Variants in DLGAP1 observed in about 807,000 individuals in gnomAD.
The protein encoded by DLGAP1 is DLG associated protein 1.
Under a neutral mutation model 90.8 loss-of-function variants are expected in DLGAP1, and 11 were observed. The ratio of observed to expected loss-of-function variants is 0.12; its 90% CI spans 0.08 to 0.20. The LOEUF (loss-of-function observed/expected upper bound fraction) is 0.20, where lower values mean the gene tolerates loss of function less well. Among genes scored for constraint, DLGAP1 ranks in the 10% least tolerant of loss-of-function variants. DLGAP1 has a pLI of 1.00. For synonymous variants in DLGAP1, 558 were observed against 540.7 expected, an observed-to-expected ratio of 1.03 and a Z score of -0.44; for missense variants, 1,050 against 1,333.8, an observed-to-expected ratio of 0.79 and a Z score of 3.31.
intron 1 of DLGAP1, among the ~76,000 whole-genome samples, chr18:4,290,481 C>T (rs370564556): frequency 5.9e-5 from 9 of 152,244 alleles, no homozygotes; most frequent in African/African-American, 1.9e-4. Context: ...TGAAAGGTAA[C>T]GTGGACTCCA....
rs111379911 is a variant in DLGAP1 at position 4,273,295 on chromosome 18, G to A, written c.-266-122008C>T. 5.9e-5 allele frequency among the ~76,000 whole-genome samples: 9 copies of A among 152,240 alleles called. 1 individual carries two copies. The highest frequency in any genetic ancestry group is 2.0e-4 in the Admixed American group (3 of 15,280). Reference sequence around the variant, plus strand: ...ACCCTCCATGCACCCTGCCTCTCCCGCTCTTGCTTCCCCAGCATACATGGG... The same window carrying A: ...ACCCTCCATGCACCCTGCCTCTCCCACTCTTGCTTCCCCAGCATACATGGG... On this transcript the variant is annotated intron_variant, in intron 1 of 12. Transcript: ENST00000315677.
At chr18:4,229,255 C>A (rs928926530) in intron 1 of DLGAP1, among the ~76,000 whole-genome samples, 1 of 151,880 alleles carries the variant, frequency 6.6e-6, no homozygotes, top group Non-Finnish European at 1.5e-5. Context: ...ATACTACTTA[C>A]AACAATCTAC....
chr18:4,206,941 T>C (rs2077732158), intron 1 of DLGAP1, among the ~76,000 whole-genome samples: 1 of 152,138 alleles, frequency 6.6e-6, no homozygotes, highest in Non-Finnish European at 1.5e-5. Flanking sequence ...TAAATATTAA[T>C]GTAAAAGAGA....
chr18:3,594,495 C>T (rs1452787512), intron 7 of DLGAP1: 1 of 152,112 alleles, frequency 6.6e-6, no homozygotes, highest in Non-Finnish European at 1.5e-5. Context: ...GTAAGTCGCT[C>T]TTTGGAAGGG....
intron 7 of DLGAP1, among the ~76,000 whole-genome samples, chr18:3,713,991 A>T (rs2061677364): frequency 6.6e-6 from 1 of 152,194 alleles, no homozygotes; most frequent in Admixed American, 6.5e-5. Context: ...TCGTCCGAGG[A>T]TGTGCCCTGG....
At chr18:4,073,829 TAA>T (rs2143506520) in intron 2 of DLGAP1, among the ~76,000 whole-genome samples, 1 of 152,318 alleles carries the variant, frequency 6.6e-6, no homozygotes, top group South Asian at 2.1e-4. Context: ...TTATTCATAG[TAA>T]AGCTTTGTTT....
chr18:3,803,846 C>T (rs2066427978), intron 5 of DLGAP1, among the ~76,000 whole-genome samples: 1 of 151,542 alleles, frequency 6.6e-6, no homozygotes, highest in Admixed American at 6.6e-5. Context: ...GTACTAAAAA[C>T]ATTTGATGAC....
At chr18:3,602,639 CAAAT>C (rs1480507630) in intron 7 of DLGAP1, among the ~76,000 whole-genome samples, 3 of 141,870 alleles carry the variant, frequency 2.1e-5, no homozygotes, top group African/African-American at 2.6e-5. Flanking sequence ...TGTTGGTAGA[CAAAT>C]AAATTCATGA....
At chr18:3,954,417 G>A (rs2073046125) in intron 3 of DLGAP1, among the ~76,000 whole-genome samples, 1 of 152,178 alleles carries the variant, frequency 6.6e-6, no homozygotes, top group African/African-American at 2.4e-5. Context: ...CACATTTGAA[G>A]ACGAGTAATA....
Position 4,256,695 on chromosome 18 carries a change from A to G in DLGAP1, c.-266-105408T>C, listed in dbSNP as rs139897749. Among the ~76,000 whole-genome samples, 38 of 152,250 alleles carry G rather than the reference A, an allele frequency of 2.5e-4. 1 individual carries two copies. The highest frequency in any genetic ancestry group is 8.7e-4 in the African/African-American group (36 of 41,552). On this transcript the variant is annotated intron_variant, in intron 1 of 12. Coordinates refer to ENST00000315677, the MANE Select transcript of DLGAP1 (RefSeq NM_004746.4). Reference sequence around the variant, plus strand: ...TTGATAAAATATTTCAGATTATACTAATATGCTAGCTTTTACTCTCTCCTG... The same window carrying G: ...TTGATAAAATATTTCAGATTATACTGATATGCTAGCTTTTACTCTCTCCTG...
chr18:3,580,501 G>A (rs886255097), intron 8 of DLGAP1: 19 of 1,601,676 alleles, frequency 1.2e-5, no homozygotes, highest in Non-Finnish European at 1.5e-5. Context: ...GAGACCAGGA[G>A]GAGGAGGAGG....
At chr18:4,262,582 T>A (rs1242113919) in intron 1 of DLGAP1, among the ~76,000 whole-genome samples, 1 of 152,214 alleles carries the variant, frequency 6.6e-6, no homozygotes, top group Non-Finnish European at 1.5e-5. Context: ...ATTGTTCAAA[T>A]GACTCCTGAT....
chr18:4,246,750 A>C (rs896105098), intron 1 of DLGAP1, among the ~76,000 whole-genome samples: 5 of 152,224 alleles, frequency 3.3e-5, no homozygotes, highest in African/African-American at 1.2e-4. Flanking sequence ...AATGGCAAAA[A>C]ACGTTGAAGA....
intron 1 of DLGAP1, among the ~76,000 whole-genome samples, chr18:4,402,644 G>A (rs1308618872): frequency 2.0e-5 from 3 of 152,096 alleles, no homozygotes; most frequent in Non-Finnish European, 4.4e-5. Flanking sequence ...TACCATTGTA[G>A]AGTATTGCTT....
At chr18:3,546,085 G>A (rs1433253330) in intron 9 of DLGAP1, among the ~76,000 whole-genome samples, 3 of 152,154 alleles carry the variant, frequency 2.0e-5, no homozygotes, top group African/African-American at 7.2e-5. Flanking sequence ...GAATATAGAA[G>A]AATTCAGCAG....
intron 1 of DLGAP1, among the ~76,000 whole-genome samples, chr18:4,328,971 C>T (rs1351711802): frequency 6.6e-6 from 1 of 151,932 alleles, no homozygotes; most frequent in African/African-American, 2.4e-5. Flanking sequence ...TAAATATATT[C>T]TCCCAGTCTG....
At chr18:4,225,067 G>T (rs1175392239) in intron 1 of DLGAP1, among the ~76,000 whole-genome samples, 1 of 152,010 alleles carries the variant, frequency 6.6e-6, no homozygotes, top group African/African-American at 2.4e-5. Flanking sequence ...AATAAAACAA[G>T]AGGCTCTGCC....
rs948584877 is a variant in DLGAP1, at chr18:4,423,009, C to T, written c.-267+31997G>A. Among the ~76,000 whole-genome samples, 5 of 152,112 alleles carry T rather than the reference C, an allele frequency of 3.3e-5. No individual in the cohort carries two copies. In the East Asian group the frequency reaches 9.6e-4, roughly 29 times the overall value. ...GCATAATGATTAGTGCTGCTGTCCA[C>T]AAAATACGTCTTCCAAGATATTTTT... is the stretch of plus-strand genomic sequence containing the variant. On this transcript the variant is annotated intron_variant, in intron 1 of 12. Transcript: ENST00000315677.
chr18:3,819,172 T>A (rs1415550323), intron 4 of DLGAP1, among the ~76,000 whole-genome samples: 5 of 151,712 alleles, frequency 3.3e-5, no homozygotes, highest in Admixed American at 6.6e-5. Flanking sequence ...TAGCCAGGCG[T>A]GATGGTGGGT....
Sources: allele counts gnomAD v4.1 joint callset (sites outside exome capture counted in the v4.1 genomes callset), GRCh38; gene constraint gnomAD v4.1.1; transcripts MANE v1.5; gene names NCBI Gene and HGNC (gene_info 2026-07-23, HGNC 2026-07-21).